Variants in CADPS2 observed in about 807,000 individuals in gnomAD.
CADPS2 encodes calcium dependent secretion activator 2.
A neutral mutation model predicts 172.5 loss-of-function variants in CADPS2; 93 were observed. The ratio of observed to expected loss-of-function variants is 0.54; its 90% CI spans 0.46 to 0.64. The LOEUF is 0.64. Ranked by LOEUF, CADPS2 falls within the 30% of genes least tolerant of loss-of-function variation. The pLI is 0.00. For missense variants in CADPS2, 1,420 were observed against 1,565.9 expected, an observed-to-expected ratio of 0.91 and a Z score of 1.57; for synonymous variants, 546 against 555.2, an observed-to-expected ratio of 0.98 and a Z score of 0.23.
At chr7:122,795,521 C>A (rs1796178448) in intron 1 of CADPS2, among the ~76,000 whole-genome samples, 1 of 152,080 alleles carries the variant, frequency 6.6e-6, no homozygotes, top group South Asian at 2.1e-4. Flanking sequence ...CCACCATGAT[C>A]AAGCCAGCTT....
At chr7:122,595,421 T>C (rs954514742) in intron 6 of CADPS2, among the ~76,000 whole-genome samples, 3 of 152,126 alleles carry the variant, frequency 2.0e-5, no homozygotes, top group Non-Finnish European at 4.4e-5. Flanking sequence ...TTTGGGGTTA[T>C]AAAAATGTTT....
At chr7:122,455,057 GC>G (rs1346529279) in intron 14 of CADPS2, among the ~76,000 whole-genome samples, 29 of 152,068 alleles carry the variant, frequency 1.9e-4, no homozygotes, top group Admixed American at 3.3e-4. Context: ...AAAAGCCAAA[GC>G]CTTTATAATG....
At chr7:122,435,460 A>T (rs2050510795) in intron 17 of CADPS2, among the ~76,000 whole-genome samples, 1 of 152,182 alleles carries the variant, frequency 6.6e-6, no homozygotes. Flanking sequence ...ATGAGATATC[A>T]TCTCACACCT....
intron 1 of CADPS2, among the ~76,000 whole-genome samples, chr7:122,803,162 C>CA (rs900238444): frequency 1.3e-5 from 2 of 152,126 alleles, no homozygotes; most frequent in African/African-American, 4.8e-5. Context: ...AAAAAACATT[C>CA]AAAATTATAA....
intron 2 of CADPS2, among the ~76,000 whole-genome samples, chr7:122,694,699 T>G (rs2084843443): frequency 6.6e-6 from 1 of 152,214 alleles, no homozygotes; most frequent in Admixed American, 6.5e-5. Context: ...TAAAGATATT[T>G]CTGTGCTGGT....
At chr7:122,498,636 G>T (rs2058950830) in intron 9 of CADPS2, among the ~76,000 whole-genome samples, 1 of 151,684 alleles carries the variant, frequency 6.6e-6, no homozygotes, top group Non-Finnish European at 1.5e-5. Flanking sequence ...CTAACCTATT[G>T]CTTACCCTGT....
intron 9 of CADPS2, among the ~76,000 whole-genome samples, chr7:122,494,682 G>T (rs1443301708): frequency 6.6e-6 from 1 of 151,826 alleles, no homozygotes; most frequent in East Asian, 1.9e-4. Context: ...TCAGAAAAAA[G>T]AATAAAGTTA....
intron 1 of CADPS2, among the ~76,000 whole-genome samples, chr7:122,818,159 GCTTC>G (rs1802080234): frequency 6.7e-6 from 1 of 150,022 alleles, no homozygotes; most frequent in African/African-American, 2.5e-5. Flanking sequence ...CTCTAGGCTT[GCTTC>G]CTTCACTATG....
chr7:122,762,029 TACACACACACACAC>T (rs55789434), intron 1 of CADPS2, among the ~76,000 whole-genome samples: 2 of 124,272 alleles, frequency 1.6e-5, no homozygotes, highest in South Asian at 2.5e-4. Context: ...TATATATATA[TACACACACACACAC>T]ACACACACAC....
intron 5 of CADPS2, among the ~76,000 whole-genome samples, chr7:122,619,539 A>T (rs997062738): frequency 1.3e-5 from 2 of 152,086 alleles, no homozygotes; most frequent in African/African-American, 4.8e-5. Context: ...AAGCGGGAGA[A>T]TCACTTGAAC....
intron 25 of CADPS2, among the ~76,000 whole-genome samples, chr7:122,374,549 T>G (rs2151298571): frequency 6.6e-6 from 1 of 152,102 alleles, no homozygotes; most frequent in South Asian, 2.1e-4. Flanking sequence ...CCCTAAAGAC[T>G]CTACAAAAAA....
intron 20 of CADPS2, among the ~76,000 whole-genome samples, chr7:122,399,661 T>C (rs1003886598): frequency 2.0e-3 from 27 of 13,232 alleles, no homozygotes; most frequent in African/African-American, 0.014. Flanking sequence ...GGTGGGTTTC[T>C]TTTTTTTTTT....
Position 122,621,635 on chromosome 7 carries a change from A to G in CADPS2, c.950T>C (p.Met317Thr), listed in dbSNP as rs1352931237. 6.2e-7 allele frequency: 1 copy of G among 1,613,856 alleles called. No homozygotes were observed. Among genetic ancestry groups the G allele is most frequent in the Admixed American group, 1.7e-5 (1 of 60,020 alleles). Residue 317 changes from methionine (M) to threonine (T), a missense_variant, in exon 5 of 30, where the codon ATG becomes ACG. Physicochemically the swap from Met to Thr is moderately conservative, Grantham distance 81 (BLOSUM62 -1). Transcript: ENST00000449022. ...AACTGGAAGACTTTCCAAATTGGCC[A>G]TTAGCAAATTCACTGAAGACCGCAA... ...EELRSSVNLL[M>T]ANLESLPVSK... is the part of the protein sequence containing the mutation.
At chr7:122,461,160 T>C (rs990838941) in intron 14 of CADPS2, among the ~76,000 whole-genome samples, 2 of 152,140 alleles carry the variant, frequency 1.3e-5, no homozygotes, top group African/African-American at 2.4e-5. Flanking sequence ...GAAGACAGAA[T>C]TGAAAACATT....
intron 2 of CADPS2, among the ~76,000 whole-genome samples, chr7:122,721,684 T>A (rs1475478688): frequency 1.3e-5 from 2 of 152,124 alleles, no homozygotes; most frequent in Non-Finnish European, 2.9e-5. Flanking sequence ...CCCTAACTCA[T>A]TTTATGAGGC....
intron 28 of CADPS2, among the ~76,000 whole-genome samples, chr7:122,330,055 A>G (rs1437250442): frequency 6.6e-6 from 1 of 152,224 alleles, no homozygotes; most frequent in East Asian, 1.9e-4. Flanking sequence ...AATAGGTGAC[A>G]AAGAAAAGGA....
intron 1 of CADPS2, among the ~76,000 whole-genome samples, chr7:122,833,211 C>G (rs1031755545): frequency 3.9e-5 from 6 of 152,060 alleles, no homozygotes; most frequent in Admixed American, 1.3e-4. Context: ...AAAACTTTGT[C>G]TAATCTAATA....
At chr7:122,456,748 T>A (rs966280167) in intron 14 of CADPS2, among the ~76,000 whole-genome samples, 3 of 152,138 alleles carry the variant, frequency 2.0e-5, no homozygotes, top group Non-Finnish European at 4.4e-5. Flanking sequence ...CACATGTACA[T>A]CCCCCTGCAA....
At chr7:122,807,258 C>A (rs10277410) in intron 1 of CADPS2, among the ~76,000 whole-genome samples, 18,631 of 152,198 alleles carry the variant, frequency 0.12, 1,221 homozygotes, top group South Asian at 0.21. Flanking sequence ...AACACAGACA[C>A]TGCAGGCTCC....
Sources: gnomAD v4.1 joint callset for allele counts (sites outside exome capture counted in the v4.1 genomes callset) on GRCh38, gnomAD v4.1.1 for gene constraint, MANE v1.5 for transcripts, NCBI Gene and HGNC (gene_info 2026-07-23, HGNC 2026-07-21) for gene names.